Variants in AGBL4 observed in about 807,000 individuals in gnomAD.
AGBL4 encodes AGBL carboxypeptidase 4.
In AGBL4, 58 loss-of-function variants were observed where a neutral mutation model predicts 66.4. The ratio of observed to expected loss-of-function variants is 0.87; its 90% CI spans 0.71 to 1.09. AGBL4 has a LOEUF of 1.09. Among genes scored for constraint, AGBL4 ranks in the 50% least tolerant of loss-of-function variants. AGBL4 has a pLI of 0.00. For synonymous variants in AGBL4, 234 were observed against 222.9 expected (o/e 1.05, Z -0.44); for missense variants, 579 against 631.0 (o/e 0.92, Z 0.88).
At chr1:48,808,402 G>A (rs1445810723) in intron 6 of AGBL4, among the ~76,000 whole-genome samples, 1 of 152,162 alleles carries the variant, frequency 6.6e-6, no homozygotes, top group African/African-American at 2.4e-5. Flanking sequence ...GCACAGAGAT[G>A]TTAAGATTCT....
chr1:48,532,300 G>A (rs1054051502), downstream of AGBL4, among the ~76,000 whole-genome samples: 3 of 152,160 alleles, frequency 2.0e-5, no homozygotes, highest in Non-Finnish European at 2.9e-5. Flanking sequence ...CATCTTTCAG[G>A]TGAGGAAACT....
At chr1:48,993,211 C>A (rs1292821410) in intron 5 of AGBL4, among the ~76,000 whole-genome samples, 1 of 152,150 alleles carries the variant, frequency 6.6e-6, no homozygotes, top group Non-Finnish European at 1.5e-5. Flanking sequence ...ATGAATCCTG[C>A]CAGGACTGGG....
intron 3 of AGBL4, among the ~76,000 whole-genome samples, chr1:49,371,859 GTGTGTGT>G (rs1644353583): frequency 9.0e-6 from 1 of 111,508 alleles, no homozygotes; most frequent in Non-Finnish European, 2.0e-5. Flanking sequence ...GTGTGTGTGT[GTGTGTGT>G]GTTTAAATAG....
intron 3 of AGBL4, among the ~76,000 whole-genome samples, chr1:49,594,454 G>A (rs1214263791): frequency 7.2e-5 from 11 of 152,188 alleles, no homozygotes; most frequent in Admixed American, 2.0e-4. Context: ...CCATCAACCC[G>A]TCATCTAGGT....
intron 4 of AGBL4, among the ~76,000 whole-genome samples, chr1:49,052,902 T>C (rs1644245384): frequency 6.6e-6 from 1 of 152,222 alleles, no homozygotes; most frequent in East Asian, 1.9e-4. Context: ...GCAGTCATTG[T>C]ATAGTAGAAC....
At chr1:48,761,601 C>T (rs1278726906) in intron 6 of AGBL4, 2 of 948,630 alleles carry the variant, frequency 2.1e-6, no homozygotes, top group African/African-American at 3.3e-5. Flanking sequence ...AACAAACAGA[C>T]TCAAGGCTGG....
chr1:48,938,566 C>T (rs1655675478), intron 5 of AGBL4, among the ~76,000 whole-genome samples: 1 of 152,152 alleles, frequency 6.6e-6, no homozygotes, highest in Non-Finnish European at 1.5e-5. Context: ...TATTCCAAGT[C>T]AGGAACCCAG....
At chr1:49,545,622 C>T (rs1652411586) in intron 3 of AGBL4, among the ~76,000 whole-genome samples, 1 of 152,110 alleles carries the variant, frequency 6.6e-6, no homozygotes, top group African/African-American at 2.4e-5. Flanking sequence ...GACTCAAAGA[C>T]ACATATATCT....
chr1:48,972,337 T>G (rs1658975981), intron 5 of AGBL4, among the ~76,000 whole-genome samples: 1 of 152,118 alleles, frequency 6.6e-6, no homozygotes, highest in Non-Finnish European at 1.5e-5. Flanking sequence ...ATATGAGGTG[T>G]GAAATAGTCA....
At chr1:49,137,720 C>G (rs898728112) in intron 4 of AGBL4, among the ~76,000 whole-genome samples, 3 of 151,968 alleles carry the variant, frequency 2.0e-5, no homozygotes, top group Admixed American at 2.0e-4. Flanking sequence ...AAAACAATTG[C>G]TAATAAGAGA....
At chr1:49,334,078 A>G (rs1048061509) in intron 3 of AGBL4, among the ~76,000 whole-genome samples, 1 of 152,194 alleles carries the variant, frequency 6.6e-6, no homozygotes, top group Non-Finnish European at 1.5e-5. Context: ...AATAATTATA[A>G]TTATAAGCAT....
At chr1:48,701,463 T>TCTTTTCTTTTCTTTTTC (rs11450789) in intron 6 of AGBL4, among the ~76,000 whole-genome samples, 1 of 151,054 alleles carries the variant, frequency 6.6e-6, no homozygotes, top group African/African-American at 2.5e-5. Context: ...TTTTCCTTTT[T>TCTTTTCTTTTCTTTTTC]TTTTCTTTTC....
At chr1:49,845,595 T>A (rs1646119460) in intron 2 of AGBL4, 1 of 1,602,966 alleles carries the variant, frequency 6.2e-7, no homozygotes, top group Non-Finnish European at 8.5e-7. Flanking sequence ...GCCATGAGTG[T>A]GGAAAAGCCT....
intron 2 of AGBL4, among the ~76,000 whole-genome samples, chr1:49,731,280 G>A (rs1257705216): frequency 6.6e-6 from 1 of 152,052 alleles, no homozygotes; most frequent in East Asian, 1.9e-4. Flanking sequence ...ATTATTAGCA[G>A]CCTAAGAATT....
intron 2 of AGBL4, among the ~76,000 whole-genome samples, chr1:49,746,802 T>C (rs1257855440): frequency 6.6e-6 from 1 of 152,102 alleles, no homozygotes; most frequent in Non-Finnish European, 1.5e-5. Flanking sequence ...AAGGAAGTGA[T>C]ATATTTCCAA....
intron 1 of AGBL4, among the ~76,000 whole-genome samples, chr1:49,856,326 A>G (rs1467620269): frequency 6.6e-6 from 1 of 152,084 alleles, no homozygotes; most frequent in Non-Finnish European, 1.5e-5. Flanking sequence ...AAAAGAACCA[A>G]TATCAATTCT....
At chr1:49,106,460 G>C (rs537538644) in intron 4 of AGBL4, among the ~76,000 whole-genome samples, 22 of 152,150 alleles carry the variant, frequency 1.4e-4, no homozygotes, top group Non-Finnish European at 2.8e-4. Context: ...ATACTGCTTG[G>C]ATGGCTACTG....
At chr1:48,740,441 C>A (rs1326223047) in intron 6 of AGBL4, among the ~76,000 whole-genome samples, 2 of 152,200 alleles carry the variant, frequency 1.3e-5, no homozygotes, top group Non-Finnish European at 2.9e-5. Context: ...ATTTGATGGT[C>A]TTTGCAGCTT....
chr1:49,696,593 T>C (rs1319646586), intron 3 of AGBL4, among the ~76,000 whole-genome samples: 5 of 152,116 alleles, frequency 3.3e-5, no homozygotes, highest in African/African-American at 7.2e-5. Flanking sequence ...AAGATGTATA[T>C]GAAATATAAA....
Sources: allele counts gnomAD v4.1 joint callset (sites outside exome capture counted in the v4.1 genomes callset), GRCh38; gene constraint gnomAD v4.1.1; transcripts MANE v1.5; gene names NCBI Gene and HGNC (gene_info 2026-07-23, HGNC 2026-07-21).